The following ANKRD36C variants were observed in gnomAD, a reference collection of about 807,000 sequenced individuals.
ANKRD36C encodes ankyrin repeat domain-containing protein 36C.
A neutral mutation model predicts 276.4 loss-of-function variants in ANKRD36C; 61 were observed. The ratio of observed to expected loss-of-function variants is 0.22; its 90% CI spans 0.18 to 0.27. ANKRD36C has a LOEUF of 0.27. Ranked by LOEUF, ANKRD36C falls within the 10% of genes least tolerant of loss-of-function variation. The pLI, the probability that ANKRD36C is intolerant of heterozygous loss-of-function variation, is 1.00. For missense variants in ANKRD36C, 1,447 were observed against 2,032.3 expected, an observed-to-expected ratio of 0.71 and a Z score of 5.54; for synonymous variants, 483 against 680.1, an observed-to-expected ratio of 0.71 and a Z score of 4.51.
chr2:95,866,688 TA>T (rs1325911343), intron 60 of ANKRD36C, among the ~76,000 whole-genome samples: 12 of 151,982 alleles, frequency 7.9e-5, no homozygotes, highest in Admixed American at 5.2e-4. Context: ...GAATAGAAAA[TA>T]GTACAAATAT....
chr2:95,892,120 A>G (rs541955565), intron 44 of ANKRD36C, among the ~76,000 whole-genome samples: 3 of 151,598 alleles, frequency 2.0e-5, no homozygotes, highest in Admixed American at 1.3e-4. Flanking sequence ...AACCGTGTCA[A>G]TATCAACGTG....
At chr2:95,869,021 A>G (rs1281015039) in intron 59 of ANKRD36C, among the ~76,000 whole-genome samples, 1 of 151,210 alleles carries the variant, frequency 6.6e-6, no homozygotes, top group Non-Finnish European at 1.5e-5. Flanking sequence ...AGTTGTTGAG[A>G]CAATTTTTGC....
intron 34 of ANKRD36C, among the ~76,000 whole-genome samples, chr2:95,921,126 T>C (rs538097124): frequency 4.6e-5 from 7 of 150,710 alleles, no homozygotes; most frequent in African/African-American, 1.2e-4. Context: ...CTCCTTCCTG[T>C]CTGACAATCC....
intron 3 of ANKRD36C, 107 bp downstream of exon 3, chr2:95,986,644 T>G: frequency 8.4e-7 from 1 of 1,191,580 alleles, no homozygotes; most frequent in Middle Eastern, 3.0e-4. Context: ...ATATTTTCAT[T>G]CAAGGAATGT....
chr2:95,937,938 TTGTGGTGCAGTCATAAAACAAATCAAATA>T (rs1429214221), intron 22 of ANKRD36C, among the ~76,000 whole-genome samples: 2 of 152,276 alleles, frequency 1.3e-5, no homozygotes, highest in African/African-American at 2.4e-5. Context: ...CTTTAATTAA[TTGTGGTGCAGTCATAAAACAAATCAAATA>T]TGTGGTGCAG....
At chr2:95,873,366 C>A (rs1029170965) in intron 59 of ANKRD36C, among the ~76,000 whole-genome samples, 2 of 152,142 alleles carry the variant, frequency 1.3e-5, no homozygotes, top group Non-Finnish European at 1.5e-5. Flanking sequence ...CTTCAATATA[C>A]GCAAATAAAT....
intron 60 of ANKRD36C, among the ~76,000 whole-genome samples, chr2:95,866,586 A>G: frequency 6.6e-6 from 1 of 152,114 alleles, no homozygotes; most frequent in East Asian, 1.9e-4. Context: ...GAATATACAT[A>G]ATACACCCAT....
At chr2:95,947,323 A>C (rs886907390) in intron 17 of ANKRD36C, among the ~76,000 whole-genome samples, 4 of 152,146 alleles carry the variant, frequency 2.6e-5, no homozygotes, top group African/African-American at 9.6e-5. Flanking sequence ...AAGACATTTA[A>C]TAGATTTAAT....
chr2:95,963,958 AATATATATATATAAATATATATAT>A (rs1430376307), intron 6 of ANKRD36C, among the ~76,000 whole-genome samples: 8 of 63,596 alleles, frequency 1.3e-4, no homozygotes, highest in Non-Finnish European at 2.5e-4. Context: ...TATATATATA[AATATATATATATAAATATATATAT>A]ATATATATAT....
intron 34 of ANKRD36C, among the ~76,000 whole-genome samples, chr2:95,918,580 C>A (rs1209121945): frequency 6.6e-6 from 1 of 151,690 alleles, no homozygotes; most frequent in East Asian, 2.0e-4. Flanking sequence ...CCTTGGATAT[C>A]TGTTTGCTGA....
rs749575332 is a variant in ANKRD36C at position 95,893,598 on chromosome 2, C to G, written c.2756-1738G>C. On this transcript the variant is annotated intron_variant, in intron 44 of 66. Transcript: ENST00000456556. ...ATTCAAAACAGAATCTTCCTCGTCA[C>G]CTGTAGCCTGAATGGAATTTGAAAT... 8.2e-6 allele frequency: 13 copies of G among 1,581,230 alleles called. No individual in the cohort carries two copies. In the Admixed American group the frequency reaches 8.9e-5, roughly 11 times the overall value.
At chr2:95,857,471 T>C in exon 62 of ANKRD36C, 1 of 1,560,046 alleles carries the variant, frequency 6.4e-7, no homozygotes, top group Non-Finnish European at 8.7e-7. Context: ...TTCTTTTCTT[T>C]TTTTCTTGCT....
exon 36 of ANKRD36C, chr2:95,917,908 T>C: frequency 6.2e-7 from 1 of 1,607,220 alleles, no homozygotes; most frequent in Non-Finnish European, 8.5e-7. Context: ...CGAAACAGAA[T>C]CTTCCTCGTC....
intron 61 of ANKRD36C, among the ~76,000 whole-genome samples, chr2:95,858,992 T>C (rs1341766502): frequency 6.6e-6 from 1 of 152,176 alleles, no homozygotes; most frequent in Non-Finnish European, 1.5e-5. Context: ...AGTAATCACT[T>C]TCCATTTTAC....
At chr2:95,890,344 G>A (rs2104346765) in intron 46 of ANKRD36C, among the ~76,000 whole-genome samples, 1 of 151,630 alleles carries the variant, frequency 6.6e-6, no homozygotes, top group Middle Eastern at 3.4e-3. Flanking sequence ...CAAAGCAGGT[G>A]CTACAGGATC....
intron 10 of ANKRD36C, among the ~76,000 whole-genome samples, 190 bp from the exon 11 acceptor site, chr2:95,958,975 C>T (rs1424745882): frequency 1.3e-5 from 2 of 152,256 alleles, no homozygotes; most frequent in African/African-American, 2.4e-5. Context: ...ATAGTCTTCA[C>T]GCAACAAACA....
chr2:95,984,985 T>C (rs1461977982), intron 3 of ANKRD36C, among the ~76,000 whole-genome samples: 2 of 152,184 alleles, frequency 1.3e-5, no homozygotes, highest in African/African-American at 2.4e-5. Context: ...CAGTCCATAA[T>C]AGAGCTTCAG....
In ANKRD36C at chr2:95,919,880, G is replaced by A. The variant is rs1199804576; in HGVS notation, c.2245+1727C>T. 9 of 1,545,072 alleles carry A rather than the reference G, an allele frequency of 5.8e-6. 1 individual carries two copies. The highest frequency in any genetic ancestry group is 5.2e-6 in the Non-Finnish European group (6 of 1,146,260). ...GTGTCATAGACTACAATGTAAATGAGAGTTTAATTACCTTCAAGGCTGGTT... is the reference window on the plus strand; with the variant it reads ...GTGTCATAGACTACAATGTAAATGAAAGTTTAATTACCTTCAAGGCTGGTT... On this transcript the variant is annotated intron_variant, in intron 34 of 66. Transcript: ENST00000456556.
chr2:95,888,919 A>G (rs1302585066), intron 48 of ANKRD36C, among the ~76,000 whole-genome samples: 1 of 151,634 alleles, frequency 6.6e-6, no homozygotes. Context: ...GGAAAGGACC[A>G]CTTTAGGAGT....
Sources: allele counts gnomAD v4.1 joint callset (sites outside exome capture counted in the v4.1 genomes callset), GRCh38; gene constraint gnomAD v4.1.1; transcripts MANE v1.5; gene names NCBI Gene and HGNC (gene_info 2026-07-23, HGNC 2026-07-21).